Variants in ERG observed in about 807,000 individuals in gnomAD.
ERG encodes transcriptional regulator ERG.
In ERG, 9 loss-of-function variants were observed where a neutral mutation model predicts 55.3. The ratio of observed to expected loss-of-function variants is 0.16; its 90% CI spans 0.10 to 0.28. The LOEUF is 0.28. Ranked by LOEUF, ERG falls within the 10% of genes least tolerant of loss-of-function variation. The pLI, the probability that ERG is intolerant of heterozygous loss-of-function variation, is 1.00. For missense variants in ERG, 434 were observed against 631.6 expected (o/e 0.69, Z 3.35); for synonymous variants, 223 against 237.3 (o/e 0.94, Z 0.55).
intron 1 of ERG, among the ~76,000 whole-genome samples, chr21:38,481,881 C>T (rs1461378141): frequency 6.6e-6 from 1 of 152,222 alleles, no homozygotes; most frequent in East Asian, 1.9e-4. Context: ...ATTAATACAA[C>T]TTGTCACTAG....
chr21:38,596,171 G>A (rs2060130526), intron 1 of ERG, among the ~76,000 whole-genome samples: 2 of 152,106 alleles, frequency 1.3e-5, no homozygotes, highest in African/African-American at 2.4e-5. Context: ...CTGTGTCGTG[G>A]TAACAGCTTT....
the ERG span, among the ~76,000 whole-genome samples, chr21:38,368,941 A>G: frequency 6.6e-6 from 1 of 152,220 alleles, no homozygotes. Context: ...TGCAAAGGAC[A>G]TGATCTCATT....
At chr21:38,447,225 G>A (rs1417408790) in intron 1 of ERG, among the ~76,000 whole-genome samples, 1 of 151,928 alleles carries the variant, frequency 6.6e-6, no homozygotes, top group Non-Finnish European at 1.5e-5. Context: ...CAAGGAGGAA[G>A]AATCAAAACA....
chr21:38,633,187 G>T (rs888482814), intron 1 of ERG, among the ~76,000 whole-genome samples: 1 of 152,290 alleles, frequency 6.6e-6, no homozygotes, highest in South Asian at 2.1e-4. Context: ...TGAAATTCAT[G>T]GAAACAGAAA....
the ERG span, among the ~76,000 whole-genome samples, chr21:38,367,303 C>T: frequency 1.3e-5 from 2 of 152,200 alleles, no homozygotes; most frequent in African/African-American, 2.4e-5. Context: ...TCTCCATAAA[C>T]ATTTATTATC....
intron 1 of ERG, among the ~76,000 whole-genome samples, chr21:38,608,270 C>T (rs1034080648): frequency 6.6e-6 from 1 of 151,710 alleles, no homozygotes; most frequent in South Asian, 2.1e-4. Context: ...TATAACATAC[C>T]AAAAAAGAAG....
chr21:38,479,418 A>C (rs943415942), intron 1 of ERG, among the ~76,000 whole-genome samples: 3 of 152,216 alleles, frequency 2.0e-5, no homozygotes, highest in Admixed American at 6.5e-5. Context: ...GTCCACCTGG[A>C]ACCTCAGAAT....
intron 1 of ERG, among the ~76,000 whole-genome samples, chr21:38,483,881 T>A (rs1319741530): frequency 3.3e-5 from 5 of 151,958 alleles, no homozygotes; most frequent in East Asian, 1.9e-4. Flanking sequence ...AAATAAAAAA[T>A]TTTTAAAAAA....
chr21:38,657,369 A>G lies in ERG; in HGVS notation c.-150+4289T>C, dbSNP rs540493212. Among the ~76,000 whole-genome samples, 7 of 152,318 alleles carry G rather than the reference A, an allele frequency of 4.6e-5. No homozygotes were observed. The East Asian group carries it at 9.6e-4, about 21-fold the overall frequency. The stretch of plus-strand genomic sequence containing the variant: ...GCGACCCTAAAAATAGGAGAACTTA[A>G]AAGTTAGTTTAAATCTAAAACTTAG... On this transcript the variant is annotated intron_variant, in intron 1 of 10. Transcript: ENST00000398910.
chr21:38,407,238 A>G (rs1242379741), intron 3 of ERG, among the ~76,000 whole-genome samples: 7 of 152,172 alleles, frequency 4.6e-5, no homozygotes, highest in African/African-American at 1.7e-4. Flanking sequence ...CATTGGAAAC[A>G]CCCTAAATGT....
chr21:38,649,199 G>A (rs2060474261), intron 1 of ERG, among the ~76,000 whole-genome samples: 1 of 152,224 alleles, frequency 6.6e-6, no homozygotes, highest in African/African-American at 2.4e-5. Flanking sequence ...AAGCTGATGG[G>A]AAACGGCTGT....
At chr21:38,465,605 T>C (rs1029258038) in intron 1 of ERG, among the ~76,000 whole-genome samples, 12 of 152,142 alleles carry the variant, frequency 7.9e-5, no homozygotes, top group Non-Finnish European at 1.8e-4. Flanking sequence ...GCAAATGCAC[T>C]CCGATGGGGA....
chr21:38,550,765 C>G (rs1296996587), intron 2 of ERG, among the ~76,000 whole-genome samples: 1 of 152,160 alleles, frequency 6.6e-6, no homozygotes, highest in Non-Finnish European at 1.5e-5. Flanking sequence ...AAAACAGAGA[C>G]TATAACTACA....
At chr21:38,636,264 A>C (rs2060387922) in intron 1 of ERG, among the ~76,000 whole-genome samples, 1 of 152,190 alleles carries the variant, frequency 6.6e-6, no homozygotes, top group Non-Finnish European at 1.5e-5. Flanking sequence ...TCCTTCATAA[A>C]TTACCCATTC....
At chr21:38,641,967 C>A (rs2146971436) in intron 1 of ERG, among the ~76,000 whole-genome samples, 1 of 152,198 alleles carries the variant, frequency 6.6e-6, no homozygotes, top group Non-Finnish European at 1.5e-5. Context: ...CTGCATTCTG[C>A]ACTCAAGATT....
Position 38,445,400 on chromosome 21 carries a change from T to C in ERG, c.236+4A>G. On this transcript the variant is annotated splice_donor_region_variant and intron_variant, in intron 2 of 9. Transcript: ENST00000288319. ...GGGAGAGAAAGGGGCGGAAGTCTCCTTACCTTGAGCCATTCACCTGGCTAG... is the reference window on the plus strand; with the variant it reads ...GGGAGAGAAAGGGGCGGAAGTCTCCCTACCTTGAGCCATTCACCTGGCTAG... 1 of 1,612,188 alleles carries C rather than the reference T, an allele frequency of 6.2e-7. No individual in the cohort carries two copies. The highest frequency in any genetic ancestry group is 8.5e-7 in the Non-Finnish European group (1 of 1,178,370).
chr21:38,565,608 A>G (rs969676964), intron 2 of ERG, among the ~76,000 whole-genome samples: 4 of 152,098 alleles, frequency 2.6e-5, no homozygotes, highest in Non-Finnish European at 2.9e-5. Flanking sequence ...TCTCTCTGCA[A>G]TACTCTTCCC....
intron 2 of ERG, among the ~76,000 whole-genome samples, chr21:38,533,965 A>G (rs2059690845): frequency 6.6e-6 from 1 of 152,168 alleles, no homozygotes; most frequent in African/African-American, 2.4e-5. Context: ...ACAAGGAACA[A>G]GTGCTCTCAC....
At chr21:38,548,098 C>T (rs1321521262) in intron 2 of ERG, among the ~76,000 whole-genome samples, 1 of 151,766 alleles carries the variant, frequency 6.6e-6, no homozygotes, top group African/African-American at 2.4e-5. Context: ...TCTTCTAGCC[C>T]GTAAGGTCTA....
Sources: gnomAD v4.1 joint callset for allele counts (sites outside exome capture counted in the v4.1 genomes callset) on GRCh38, gnomAD v4.1.1 for gene constraint, MANE v1.5 for transcripts, NCBI Gene and HGNC (gene_info 2026-07-23, HGNC 2026-07-21) for gene names.